Variants in ITGA2 observed in about 807,000 individuals in gnomAD.
ITGA2 encodes the protein integrin alpha-2.
In ITGA2, 101 loss-of-function variants were observed where a neutral mutation model predicts 146.3. The observed-to-expected ratio is 0.69, with a 90% CI of 0.59 to 0.81. The LOEUF is 0.81. ITGA2 is among the 40% of genes least tolerant of loss of function. The pLI, the probability that ITGA2 is intolerant of heterozygous loss-of-function variation, is 0.00. For synonymous variants in ITGA2, 477 were observed against 487.1 expected, an observed-to-expected ratio of 0.98 and a Z score of 0.27; for missense variants, 1,281 against 1,402.7, an observed-to-expected ratio of 0.91 and a Z score of 1.39.
intron 1 of ITGA2, chr5:52,990,140 G>C (rs921577175): frequency 6.5e-6 from 1 of 154,778 alleles, no homozygotes; most frequent in Non-Finnish European, 1.4e-5. Flanking sequence ...AATAAACCAA[G>C]CGCCACTTAA....
At chr5:53,035,517 G>A (rs962796886) in intron 2 of ITGA2, among the ~76,000 whole-genome samples, 1 of 152,162 alleles carries the variant, frequency 6.6e-6, no homozygotes, top group Non-Finnish European at 1.5e-5. Flanking sequence ...GAAGTCTGAG[G>A]CAGCATAATG....
chr5:53,062,999 GAA>G (rs1034545423), intron 13 of ITGA2, 70 bp downstream of exon 13: 13 of 1,261,338 alleles, frequency 1.0e-5, no homozygotes, highest in African/African-American at 1.5e-5. Flanking sequence ...CATTTGGAAA[GAA>G]AAATTTATTA....
chr5:53,059,454 A>G (rs1046496348), intron 10 of ITGA2, among the ~76,000 whole-genome samples: 1 of 151,920 alleles, frequency 6.6e-6, no homozygotes, highest in Admixed American at 6.6e-5. Context: ...CCGTGTCAGT[A>G]CTTCTGTTTC....
At chr5:53,064,337 G>C (rs1745041391) in intron 13 of ITGA2, among the ~76,000 whole-genome samples, 2 of 151,984 alleles carry the variant, frequency 1.3e-5, no homozygotes, top group Middle Eastern at 6.8e-3. Flanking sequence ...ATGAGACCAA[G>C]AAATGGATGC....
chr5:53,051,603 C>T, intron 7 of ITGA2, 44 bp downstream of exon 7: 2 of 1,561,560 alleles, frequency 1.3e-6, no homozygotes, highest in Non-Finnish European at 1.8e-6. Context: ...TAATGTAAAA[C>T]ATTATATTTA....
At chr5:52,994,163 T>C (rs1380066502) in intron 1 of ITGA2, among the ~76,000 whole-genome samples, 1 of 152,198 alleles carries the variant, frequency 6.6e-6, no homozygotes, top group East Asian at 1.9e-4. Context: ...TTATAAGGTA[T>C]CTACTTTATG....
intron 2 of ITGA2, among the ~76,000 whole-genome samples, chr5:53,041,458 A>G (rs1743794820): frequency 6.6e-6 from 1 of 152,196 alleles, no homozygotes; most frequent in South Asian, 2.1e-4. Flanking sequence ...CCACTAAGAT[A>G]AGATATCTGC....
intron 9 of ITGA2, among the ~76,000 whole-genome samples, chr5:53,057,314 G>A: frequency 6.6e-6 from 1 of 152,106 alleles, no homozygotes; most frequent in Non-Finnish European, 1.5e-5. Context: ...GTACAGTACA[G>A]TTTGTCTTCT....
chr5:53,001,101 C>T (rs752769134), intron 1 of ITGA2, among the ~76,000 whole-genome samples: 2 of 151,774 alleles, frequency 1.3e-5, no homozygotes, highest in African/African-American at 2.4e-5. Context: ...GGGGCTTCAC[C>T]ATGTTGGCCA....
chr5:52,990,430 T>G (rs138731033), intron 1 of ITGA2, among the ~76,000 whole-genome samples: 27 of 152,272 alleles, frequency 1.8e-4, no homozygotes, highest in African/African-American at 6.0e-4. Flanking sequence ...CCCTGACCAT[T>G]AGGCAGAGCT....
chr5:53,090,319 T>G (rs770702129), intron 29 of ITGA2, among the ~76,000 whole-genome samples, 200 bp from the exon 30 acceptor site: 2 of 152,140 alleles, frequency 1.3e-5, no homozygotes, highest in African/African-American at 2.4e-5. Flanking sequence ...AAATGTAGCT[T>G]TATGCAATGC....
At position 53,090,499 on chromosome 5, in the gene ITGA2, T is replaced by C. The variant is rs1247294099; in HGVS notation, c.3466-20T>C. 1.2e-6 allele frequency: 2 copies of C among 1,610,280 alleles called. No homozygotes were observed. The highest frequency in any genetic ancestry group is 1.7e-6 in the Non-Finnish European group (2 of 1,176,700). ...AAATAAGCCACGGGTGGTAACATTC[T>C]TATATCATCACCTTTACAGCTCGGC... is the stretch of plus-strand genomic sequence containing the variant. On this transcript the variant is annotated intron_variant, in intron 29 of 29. Coordinates refer to ENST00000296585, the MANE Select transcript of ITGA2 (RefSeq NM_002203.4).
At chr5:53,000,330 T>A (rs1741501861) in intron 1 of ITGA2, among the ~76,000 whole-genome samples, 1 of 152,166 alleles carries the variant, frequency 6.6e-6, no homozygotes, top group East Asian at 1.9e-4. Context: ...TCTTCTTTAT[T>A]AATGTGGAAA....
At chr5:53,000,140 A>T (rs1741492709) in intron 1 of ITGA2, among the ~76,000 whole-genome samples, 1 of 150,650 alleles carries the variant, frequency 6.6e-6, no homozygotes, top group Non-Finnish European at 1.5e-5. Flanking sequence ...CAATTGTGAG[A>T]TTAATCTATA....
chr5:53,023,638 T>C (rs898145281), intron 1 of ITGA2, among the ~76,000 whole-genome samples: 2 of 152,172 alleles, frequency 1.3e-5, no homozygotes, highest in African/African-American at 2.4e-5. Flanking sequence ...GAATGATCCA[T>C]TTTTTAAGTA....
chr5:52,997,629 CA>C (rs774562695), intron 1 of ITGA2, among the ~76,000 whole-genome samples: 10 of 152,174 alleles, frequency 6.6e-5, no homozygotes, highest in Non-Finnish European at 1.2e-4. Context: ...TGTCTTTGTG[CA>C]GGCCTGATCT....
At chr5:53,044,947 T>C in intron 3 of ITGA2, 54 bp from the exon 4 acceptor site, 2 of 1,321,272 alleles carry the variant, frequency 1.5e-6, no homozygotes, top group Non-Finnish European at 2.2e-6. Flanking sequence ...TTTAATATCT[T>C]TAAGTAAACG....
At chr5:52,993,958 T>C (rs983325906) in intron 1 of ITGA2, among the ~76,000 whole-genome samples, 1 of 152,122 alleles carries the variant, frequency 6.6e-6, no homozygotes, top group African/African-American at 2.4e-5. Context: ...TTTTTTCCAG[T>C]TGTTCAGTGA....
chr5:53,038,918 C>A (rs1291124994), intron 2 of ITGA2, among the ~76,000 whole-genome samples: 1 of 152,064 alleles, frequency 6.6e-6, no homozygotes, highest in East Asian at 1.9e-4. Flanking sequence ...TGATGAAATG[C>A]CATCTCTATT....
Sources: allele counts gnomAD v4.1 joint callset (sites outside exome capture counted in the v4.1 genomes callset), GRCh38; gene constraint gnomAD v4.1.1; transcripts MANE v1.5; gene names NCBI Gene and HGNC (gene_info 2026-07-23, HGNC 2026-07-21).